The following RGS22 variants were observed in gnomAD, a reference collection of about 807,000 sequenced individuals.
RGS22 encodes regulator of G protein signaling 22, also known as regulator of G-protein signaling 22.
A neutral mutation model predicts 172.9 loss-of-function variants in RGS22; 148 were observed. The ratio of observed to expected loss-of-function variants is 0.86; its 90% CI spans 0.75 to 0.98. The LOEUF is 0.98. RGS22 is among the 50% of genes least tolerant of loss of function. The pLI, the probability that RGS22 is intolerant of heterozygous loss-of-function variation, is 0.00. For missense variants in RGS22, 1,347 were observed against 1,440.8 expected (o/e 0.93, Z 1.05); for synonymous variants, 458 against 480.2 (o/e 0.95, Z 0.60).
chr8:100,006,652 G>C (rs2131358701), intron 15 of RGS22, among the ~76,000 whole-genome samples: 1 of 152,262 alleles, frequency 6.6e-6, no homozygotes, highest in Middle Eastern at 3.4e-3. Context: ...CTATTGCAGG[G>C]GAAAATCAGC....
chr8:100,036,142 G>C (rs1819442518), intron 14 of RGS22, among the ~76,000 whole-genome samples: 1 of 149,924 alleles, frequency 6.7e-6, no homozygotes, highest in South Asian at 2.1e-4. Flanking sequence ...TGAAATAAAA[G>C]AAAAATCTCC....
intron 4 of RGS22, among the ~76,000 whole-genome samples, chr8:100,079,310 G>A (rs536974085): frequency 6.6e-6 from 1 of 152,152 alleles, no homozygotes; most frequent in South Asian, 2.1e-4. Flanking sequence ...CATTTAGTTT[G>A]ATGAAAGTTA....
At chr8:100,038,476 A>T (rs928016424) in intron 14 of RGS22, 1 of 153,240 alleles carries the variant, frequency 6.5e-6, no homozygotes, top group African/African-American at 2.4e-5. Flanking sequence ...TAGTCAGTCA[A>T]CATCTTTTCC....
At chr8:100,022,123 A>G (rs1409338944) in intron 14 of RGS22, among the ~76,000 whole-genome samples, 2 of 152,130 alleles carry the variant, frequency 1.3e-5, no homozygotes, top group African/African-American at 4.8e-5. Flanking sequence ...TCACAGATGG[A>G]TTTTCATGTG....
chr8:100,095,939 G>A (rs765795335), intron 2 of RGS22, among the ~76,000 whole-genome samples: 3 of 152,164 alleles, frequency 2.0e-5, no homozygotes, highest in Non-Finnish European at 2.9e-5. Flanking sequence ...CTGCAAGTGC[G>A]ATCTGCTCAA....
At chr8:100,091,361 A>G (rs1228271771) in intron 3 of RGS22, among the ~76,000 whole-genome samples, 2 of 152,030 alleles carry the variant, frequency 1.3e-5, no homozygotes, top group Non-Finnish European at 2.9e-5. Context: ...GGAAAAAGGC[A>G]GCCCAGGTGA....
chr8:99,974,795 C>CA (rs796385179), intron 23 of RGS22, among the ~76,000 whole-genome samples: 20,996 of 115,916 alleles, frequency 0.18, 2,463 homozygotes, highest in African/African-American at 0.37. Context: ...AAGACTCTGT[C>CA]AAAAAAAAAA....
At chr8:100,053,196 T>C (rs181003382) in intron 9 of RGS22, among the ~76,000 whole-genome samples, 88 of 152,238 alleles carry the variant, frequency 5.8e-4, no homozygotes, top group Admixed American at 4.5e-3. Flanking sequence ...AAAGGCAATA[T>C]ACATTGGGAA....
At chr8:99,987,203 G>A (rs1406217224) in intron 21 of RGS22, among the ~76,000 whole-genome samples, 1 of 152,122 alleles carries the variant, frequency 6.6e-6, no homozygotes, top group African/African-American at 2.4e-5. Context: ...GAGCATTTCA[G>A]GTTTCAGATT....
chr8:100,086,333 C>T (rs1377870625), intron 3 of RGS22, among the ~76,000 whole-genome samples: 2 of 152,118 alleles, frequency 1.3e-5, no homozygotes, highest in Admixed American at 1.3e-4. Context: ...CTATCATATG[C>T]TGTAACTCTC....
intron 19 of RGS22, among the ~76,000 whole-genome samples, chr8:99,996,850 C>G (rs1387384363): frequency 6.6e-6 from 1 of 152,172 alleles, no homozygotes; most frequent in African/African-American, 2.4e-5. Flanking sequence ...TAGCTATTTT[C>G]TAGCCATATA....
intron 14 of RGS22, among the ~76,000 whole-genome samples, chr8:100,020,085 T>C (rs994571118): frequency 1.3e-5 from 2 of 151,990 alleles, no homozygotes; most frequent in African/African-American, 2.4e-5. Flanking sequence ...AGTTTCTCCA[T>C]GTTGGTCAGG....
At chr8:100,057,550 C>T (rs759742896) in intron 9 of RGS22, among the ~76,000 whole-genome samples, 7 of 152,090 alleles carry the variant, frequency 4.6e-5, no homozygotes, top group Non-Finnish European at 4.4e-5. Context: ...GGGTCTTTCC[C>T]ATGCTGGTCT....
rs1406875066 is a variant in RGS22 at position 100,028,069 on chromosome 8, AG to A, written c.2166+10861del. Among the ~76,000 whole-genome samples, 7 of 152,196 alleles carry A rather than the reference AG, an allele frequency of 4.6e-5. No individual in the cohort carries two copies. In the East Asian group the frequency reaches 1.4e-3, roughly 29 times the overall value. ...TGTATAACCCTTCATAGACCTTGGTAGATGTGGGGGGTCTTAGTGTCACTTT... is the reference window on the plus strand; with the variant it reads ...TGTATAACCCTTCATAGACCTTGGTAATGTGGGGGGTCTTAGTGTCACTTT... On this transcript the variant is annotated intron_variant, in intron 14 of 27. Coordinates refer to ENST00000360863, the MANE Select transcript of RGS22 (RefSeq NM_015668.5).
chr8:100,027,480 T>TTTTA (rs1337957731), intron 14 of RGS22, among the ~76,000 whole-genome samples: 1 of 152,090 alleles, frequency 6.6e-6, no homozygotes, highest in Non-Finnish European at 1.5e-5. Context: ...TTTTATTTCA[T>TTTTA]TTTATTTATT....
intron 4 of RGS22, 132 bp downstream of exon 4, chr8:100,080,002 A>C (rs1337167344): frequency 1.6e-6 from 1 of 636,588 alleles, no homozygotes; most frequent in Non-Finnish European, 2.7e-6. Context: ...AGTGCTTAAC[A>C]AATACTATGT....
At chr8:100,067,140 T>C (rs539471037) in intron 6 of RGS22, among the ~76,000 whole-genome samples, 3 of 152,308 alleles carry the variant, frequency 2.0e-5, no homozygotes, top group Admixed American at 2.0e-4. Flanking sequence ...AGCTGGTTGG[T>C]CAGCACTTAG....
At chr8:100,040,733 C>A (rs1820007532) in intron 12 of RGS22, among the ~76,000 whole-genome samples, 1 of 152,126 alleles carries the variant, frequency 6.6e-6, no homozygotes, top group Admixed American at 6.5e-5. Context: ...GAAAGGGCAT[C>A]TACTATTCAG....
At chr8:100,038,321 T>A (rs1393840938) in intron 14 of RGS22, among the ~76,000 whole-genome samples, 1 of 109,238 alleles carries the variant, frequency 9.2e-6, no homozygotes, top group African/African-American at 3.6e-5. Context: ...AATCCTCTGT[T>A]CTTCCCCCTC....
Sources: gnomAD v4.1 joint callset for allele counts (sites outside exome capture counted in the v4.1 genomes callset) on GRCh38, gnomAD v4.1.1 for gene constraint, MANE v1.5 for transcripts, NCBI Gene and HGNC (gene_info 2026-07-23, HGNC 2026-07-21) for gene names.